IL23R: variants seen among roughly 807,000 people sequenced by gnomAD.
The protein encoded by IL23R is interleukin 23 receptor.
In IL23R, 34 loss-of-function variants were observed where a neutral mutation model predicts 56.9. The ratio of observed to expected loss-of-function variants is 0.60; its 90% CI spans 0.45 to 0.80. IL23R has a LOEUF of 0.80. Ranked by LOEUF, IL23R falls within the 30% of genes least tolerant of loss-of-function variation. IL23R has a pLI of 0.00. For missense variants in IL23R, 635 were observed against 730.0 expected (o/e 0.87, Z 1.50); for synonymous variants, 230 against 249.2 (o/e 0.92, Z 0.73).
chr1:67,151,811 T>C (rs1646730825), intron 1 of IL23R, among the ~76,000 whole-genome samples: 1 of 152,132 alleles, frequency 6.6e-6, no homozygotes, highest in South Asian at 2.1e-4. Flanking sequence ...TTGGTCTGTA[T>C]GTCTATATGT....
intron 9 of IL23R, among the ~76,000 whole-genome samples, chr1:67,246,167 C>A (rs151036459): frequency 0.037 from 5,569 of 152,176 alleles, 355 homozygotes; most frequent in African/African-American, 0.13. Context: ...TCTCCTTTAT[C>A]ATTTTTTATT....
Position 67,179,829 on chromosome 1 carries a change from C to T in IL23R, c.368-3007C>T, listed in dbSNP as rs9699799. The stretch of plus-strand genomic sequence containing the variant: ...TTCGGGTATGTTGTGTCTTTGTTCT[C>T]GTTGGTTTCAAAGAACATCTTTATT... On this transcript the variant is annotated intron_variant, in intron 3 of 10. Transcript: ENST00000347310. Among the ~76,000 whole-genome samples the T allele has an allele frequency of 1.8e-4, 27 of 152,146 alleles. 1 individual carries two copies. The highest frequency in any genetic ancestry group is 5.1e-4 in the African/African-American group (21 of 41,502).
At chr1:67,153,056 T>C (rs1646742293) in intron 1 of IL23R, among the ~76,000 whole-genome samples, 1 of 152,320 alleles carries the variant, frequency 6.6e-6, no homozygotes, top group Admixed American at 6.5e-5. Context: ...TGATAGAATT[T>C]GGCTGTGAAT....
At position 67,168,126 on chromosome 1, in the gene IL23R, T is replaced by C. The variant is rs1367289249; in HGVS notation, c.6T>C (p.Asn2=). The C allele has an allele frequency of 4.4e-6, 7 of 1,607,456 alleles. No individual in the cohort carries two copies. The highest frequency in any genetic ancestry group is 6.0e-6 in the Non-Finnish European group (7 of 1,174,200). Residue 2 remains asparagine, a synonymous_variant, in exon 2 of 11, where the codon AAT becomes AAC. Transcript: ENST00000347310. The part of the protein sequence containing the change: M[N]QVTIQWDAVI... ...GTCTTTTCCTGCTTCCAGACATGAA[T>C]CAGGTCACTATTCAATGGGATGCAG...
At chr1:67,176,035 T>G (rs1647003329) in intron 3 of IL23R, among the ~76,000 whole-genome samples, 1 of 152,124 alleles carries the variant, frequency 6.6e-6, no homozygotes, top group African/African-American at 2.4e-5. Context: ...AAATATCAAA[T>G]GCTGCTCAAT....
At chr1:67,180,028 T>C (rs9676328) in intron 3 of IL23R, among the ~76,000 whole-genome samples, 4 of 152,086 alleles carry the variant, frequency 2.6e-5, no homozygotes, top group Non-Finnish European at 5.9e-5. Context: ...TGAGGAGTAC[T>C]TTACTTCCGA....
At chr1:67,204,218 C>T (rs765231865) in intron 5 of IL23R, among the ~76,000 whole-genome samples, 19 of 152,144 alleles carry the variant, frequency 1.2e-4, no homozygotes, top group Admixed American at 3.3e-4. Context: ...CGCCAGCCAC[C>T]TCGCCCCGCT....
At chr1:67,190,930 A>C (rs1330334948) in intron 4 of IL23R, among the ~76,000 whole-genome samples, 1 of 152,224 alleles carries the variant, frequency 6.6e-6, no homozygotes, top group Non-Finnish European at 1.5e-5. Context: ...AAGAGTTCTT[A>C]GGTGTGATTC....
upstream of IL23R, among the ~76,000 whole-genome samples, chr1:67,162,279 C>A (rs1454918065): frequency 6.6e-6 from 1 of 151,922 alleles, no homozygotes; most frequent in Non-Finnish European, 1.5e-5. Flanking sequence ...TCCTGGCTAA[C>A]ACGGTGAAAC....
intron 6 of IL23R, among the ~76,000 whole-genome samples, chr1:67,218,454 T>C (rs1266534349): frequency 6.6e-6 from 1 of 151,650 alleles, no homozygotes; most frequent in Non-Finnish European, 1.5e-5. Flanking sequence ...GGTATTTTTT[T>C]CTAAAAGTCA....
chr1:67,152,037 A>T (rs1374786875), intron 1 of IL23R, among the ~76,000 whole-genome samples: 1 of 152,176 alleles, frequency 6.6e-6, no homozygotes, highest in African/African-American at 2.4e-5. Flanking sequence ...GCTTGAATCT[A>T]TAAATTACTT....
chr1:67,161,923 G>C (rs1000261501), upstream of IL23R, among the ~76,000 whole-genome samples: 2 of 151,842 alleles, frequency 1.3e-5, no homozygotes, highest in Non-Finnish European at 2.9e-5. Context: ...ACCATTCCAG[G>C]CCCAAAATAT....
chr1:67,194,059 C>A (rs931167364), intron 4 of IL23R, among the ~76,000 whole-genome samples: 1 of 152,156 alleles, frequency 6.6e-6, no homozygotes, highest in Admixed American at 6.5e-5. Flanking sequence ...AAGAATATAA[C>A]AAAGGCTACA....
chr1:67,181,167 G>A (rs1039699395), intron 3 of IL23R, among the ~76,000 whole-genome samples: 2 of 152,112 alleles, frequency 1.3e-5, no homozygotes, highest in African/African-American at 4.8e-5. Flanking sequence ...ATGTTGGCCT[G>A]CCTTGCTAGA....
chr1:67,169,993 G>A lies in IL23R; in HGVS notation c.367+355G>A, dbSNP rs991389153. Among the ~76,000 whole-genome samples the A allele has an allele frequency of 2.0e-5, 3 of 152,168 alleles. No individual in the cohort carries two copies. In the South Asian group the frequency reaches 6.2e-4, roughly 32 times the overall value. On this transcript the variant is annotated intron_variant, in intron 3 of 10. Transcript: ENST00000347310. The stretch of plus-strand genomic sequence containing the variant: ...CTGAACGAACACTGCATATGTGAGG[G>A]CCAGCCCCGTTAGATTTAAAATGTT...
chr1:67,214,943 A>G (rs1649733391), intron 6 of IL23R, among the ~76,000 whole-genome samples: 1 of 152,234 alleles, frequency 6.6e-6, no homozygotes, highest in Admixed American at 6.5e-5. Context: ...CATAGATTCC[A>G]GACATTGTAT....
intron 7 of IL23R, among the ~76,000 whole-genome samples, chr1:67,231,072 A>G (rs1274358323): frequency 1.3e-5 from 2 of 152,014 alleles, no homozygotes; most frequent in African/African-American, 4.8e-5. Flanking sequence ...CTTTAATATG[A>G]CTCCTCTTTC....
chr1:67,233,999 G>C (rs1311727828), intron 7 of IL23R, among the ~76,000 whole-genome samples: 1 of 150,160 alleles, frequency 6.7e-6, no homozygotes, highest in Non-Finnish European at 1.5e-5. Context: ...TAATGCTTTT[G>C]TATGTTAAAA....
chr1:67,149,549 A>G (rs1412558082), intron 1 of IL23R, among the ~76,000 whole-genome samples: 1 of 152,142 alleles, frequency 6.6e-6, no homozygotes, highest in Non-Finnish European at 1.5e-5. Flanking sequence ...GAAGTACTCT[A>G]TCAAGTGTCT....
Sources: gnomAD v4.1 joint callset for allele counts (sites outside exome capture counted in the v4.1 genomes callset) on GRCh38, gnomAD v4.1.1 for gene constraint, MANE v1.5 for transcripts, NCBI Gene and HGNC (gene_info 2026-07-23, HGNC 2026-07-21) for gene names.